SHOX: variants seen among roughly 807,000 people sequenced by gnomAD.
SHOX encodes the protein short stature homeobox protein.
Under a neutral mutation model 29.6 loss-of-function variants are expected in SHOX, and 12 were observed. The ratio of observed to expected loss-of-function variants is 0.41; its 90% CI spans 0.26 to 0.66. The LOEUF is 0.66. Ranked by LOEUF, SHOX falls within the 30% of genes least tolerant of loss-of-function variation. The probability of loss-of-function intolerance (pLI) is 0.35; values close to 1 mark genes in which losing one functional copy is unlikely to be tolerated. For synonymous variants in SHOX, 214 were observed against 200.6 expected, an observed-to-expected ratio of 1.07 and a Z score of -0.57; for missense variants, 499 against 437.7, an observed-to-expected ratio of 1.14 and a Z score of -1.25.
In SHOX at chrX:651,421, AC is replaced by A. The variant is rs763631292; in HGVS notation, c.*6787del. On this transcript the variant is annotated 3_prime_UTR_variant, in exon 5 of 5. Transcript: ENST00000686671. Reference sequence around the variant, plus strand: ...AACAAACAAACAAACAGAAAAAAAAACCAAAAAAAACCACCCTGAGTTTCTC... The same window carrying A: ...AACAAACAAACAAACAGAAAAAAAAACAAAAAAAACCACCCTGAGTTTCTC... The A allele has an allele frequency of 2.2e-3, 993 of 452,308 alleles. 11 individuals carry two copies. The highest frequency in any genetic ancestry group is 0.018 in the African/African-American group (913 of 49,504). 28.0% of individuals were successfully genotyped at this position (452,308 alleles called of 1,614,324 possible).
intron 2 of SHOX, among the ~76,000 whole-genome samples, chrX:637,423 C>T (rs1268738211): frequency 6.6e-6 from 1 of 151,846 alleles, no homozygotes; most frequent in African/African-American, 2.4e-5. Flanking sequence ...TAGTCTATTA[C>T]CGACGAGAGC....
Position 630,852 on chromosome X carries a change from G to C in SHOX, c.-46G>C. 1 of 1,609,734 alleles carries C rather than the reference G, an allele frequency of 6.2e-7. No individual in the cohort carries two copies. Among genetic ancestry groups the C allele is most frequent in the Non-Finnish European group, 8.5e-7 (1 of 1,178,388 alleles). ...GGCCGTCCTCTCCGCGCGGGGAGAC[G>C]CGCGCATCCACCAGCCCCGGCTGCT... On this transcript the variant is annotated 5_prime_UTR_variant, in exon 1 of 5. Coordinates refer to ENST00000686671, the MANE Select transcript of SHOX (RefSeq NM_000451.4).
intron 2 of SHOX, among the ~76,000 whole-genome samples, chrX:635,848 TGGGG>T (rs2052736047): frequency 9.3e-6 from 1 of 107,472 alleles, no homozygotes; most frequent in Non-Finnish European, 1.9e-5. Context: ...AGGACAGAAG[TGGGG>T]GGAGGGAGAG....
At chrX:635,326 C>T (rs1369749778) in intron 2 of SHOX, among the ~76,000 whole-genome samples, 1 of 152,110 alleles carries the variant, frequency 6.6e-6, no homozygotes, top group African/African-American at 2.4e-5. Flanking sequence ...TGTCTTTTGG[C>T]CCCTGATTCC....
At position 645,390 on chromosome X, in the gene SHOX, A is replaced by ATTTTTTTTTTTTTTTTTTTTT. The variant is rs1168989193; in HGVS notation, c.*767_*787dup. On this transcript the variant is annotated 3_prime_UTR_variant, in exon 5 of 5. Transcript: ENST00000686671. ...GGGTCTGGTTTTGTTTTGGATTGGTATTTTTTTTTTTTTTTTTTTTTTTTT... is the reference window on the plus strand; with the variant it reads ...GGGTCTGGTTTTGTTTTGGATTGGTATTTTTTTTTTTTTTTTTTTTTTTTTTTTTTTTTTTTTTTTTTTTTT... 2 of 78,332 alleles carry ATTTTTTTTTTTTTTTTTTTTT rather than the reference A, an allele frequency of 2.6e-5. No individual in the cohort carries two copies. Among genetic ancestry groups the ATTTTTTTTTTTTTTTTTTTTT allele is most frequent in the African/African-American group, 4.9e-5 (1 of 20,536 alleles). The allele number at this position is 78,332 out of a possible 1,614,324, so 4.9% of individuals were successfully genotyped here. A position where few individuals can be genotyped will look rare whatever the true frequency, so the allele number is the denominator to read the frequency against.
chrX:627,161 C>T (rs1188826110), upstream of SHOX, among the ~76,000 whole-genome samples: 1 of 152,182 alleles, frequency 6.6e-6, no homozygotes, highest in African/African-American at 2.4e-5. Flanking sequence ...GAGGTGCAGA[C>T]CCTGCTTTCT....
At chrX:631,289 C>A in intron 1 of SHOX, 115 bp downstream of exon 1, 1 of 1,332,912 alleles carries the variant, frequency 7.5e-7, no homozygotes. Context: ...CCCGTCTCGC[C>A]AGGGTAAGGC....
downstream of SHOX, among the ~76,000 whole-genome samples, chrX:653,657 G>A (rs1015352331): frequency 6.6e-6 from 1 of 151,884 alleles, no homozygotes; most frequent in African/African-American, 2.4e-5. Context: ...ACACGGACAC[G>A]GTTTCAATAG....
downstream of SHOX, among the ~76,000 whole-genome samples, chrX:655,608 C>CTA (rs2053133408): frequency 4.1e-5 from 1 of 24,556 alleles, no homozygotes; most frequent in Non-Finnish European, 7.1e-5. Flanking sequence ...CTCTCTCTCT[C>CTA]TCTCTCTATA....
chrX:651,356 C>G lies in SHOX; in HGVS notation c.*6720C>G. Reference sequence around the variant, plus strand: ...AAACCAACAGTCTTCACATTTCTATCCCTCTGTTATTGTCGGCAGGCGGTG... The same window carrying G: ...AAACCAACAGTCTTCACATTTCTATGCCTCTGTTATTGTCGGCAGGCGGTG... On this transcript the variant is annotated 3_prime_UTR_variant, in exon 5 of 5. Transcript: ENST00000686671. 2 of 455,460 alleles carry G rather than the reference C, an allele frequency of 4.4e-6. No homozygotes were observed. The highest frequency in any genetic ancestry group is 3.1e-5 in the South Asian group (2 of 64,508). The allele number at this position is 455,460 out of a possible 1,614,324, so 28.2% of individuals were successfully genotyped here.
downstream of SHOX, among the ~76,000 whole-genome samples, chrX:655,951 G>A (rs560355757): frequency 2.7e-5 from 4 of 149,660 alleles, no homozygotes; most frequent in South Asian, 4.3e-4. Flanking sequence ...GCTGAGGCAG[G>A]AGGATCACTT....
At chrX:634,912 C>T in intron 2 of SHOX, 86 bp downstream of exon 2, 1 of 1,394,422 alleles carries the variant, frequency 7.2e-7, no homozygotes, top group Non-Finnish European at 9.6e-7. Context: ...CACCTGCGCC[C>T]GGGCCGCCGC....
chrX:631,254 C>T, intron 1 of SHOX, 80 bp downstream of exon 1: 2 of 1,543,690 alleles, frequency 1.3e-6, no homozygotes, highest in Non-Finnish European at 1.8e-6. Context: ...GCCCCGCGCG[C>T]CCCTCGCTGT....
rs1430144118 is a variant in SHOX, at chrX:643,247, G to C, written c.634-1144G>C. On this transcript the variant is annotated intron_variant, in intron 4 of 4. Transcript: ENST00000686671. ...ACCTGGTGTCCTGGGGAGAGGCTTG[G>C]GGACCTGGTGTCCTGGGAGAGGCTT... 2.0e-5 allele frequency among the ~76,000 whole-genome samples: 3 copies of C among 149,282 alleles called. No individual in the cohort carries two copies. In the East Asian group the frequency reaches 5.9e-4, roughly 30 times the overall value.
At chrX:655,608 CTCTCTCTATATATATATATATATATA>C (rs1458051895), downstream of SHOX, among the ~76,000 whole-genome samples, 443 of 24,486 alleles carry the variant, frequency 0.018, 2 homozygotes, top group Admixed American at 0.023. Flanking sequence ...CTCTCTCTCT[CTCTCTCTATATATATATATATATATA>C]TATATATATA....
chrX:627,059 CCT>C (rs72181837), upstream of SHOX, among the ~76,000 whole-genome samples: 1 of 151,114 alleles, frequency 6.6e-6, no homozygotes, highest in Non-Finnish European at 1.5e-5. Flanking sequence ...TTCCCTCTCT[CCT>C]CTCTCTCTCT....
chrX:634,531 C>T, intron 1 of SHOX, 87 bp from the exon 2 acceptor site: 1 of 1,447,956 alleles, frequency 6.9e-7, no homozygotes, highest in Non-Finnish European at 9.6e-7. Context: ...CGAGGGCCCC[C>T]TTTCCACCGC....
intron 4 of SHOX, 88 bp from the exon 5 acceptor site, chrX:644,303 G>A (rs2052923287): frequency 1.4e-6 from 2 of 1,415,172 alleles, no homozygotes; most frequent in Non-Finnish European, 1.8e-6. Context: ...GGGAGAAGAG[G>A]CACGTTGGAG....
At chrX:629,449 C>G (rs73188001), upstream of SHOX, among the ~76,000 whole-genome samples, 4,123 of 151,768 alleles carry the variant, frequency 0.027, 80 homozygotes, top group Middle Eastern at 0.12. Flanking sequence ...GTCTCCATCC[C>G]TCTGTCTCTC....
Sources: gnomAD v4.1 joint callset for allele counts (sites outside exome capture counted in the v4.1 genomes callset) on GRCh38, gnomAD v4.1.1 for gene constraint, MANE v1.5 for transcripts, NCBI Gene and HGNC (gene_info 2026-07-23, HGNC 2026-07-21) for gene names.